CCDC91: variants seen among roughly 807,000 people sequenced by gnomAD.
CCDC91 encodes the protein coiled-coil domain-containing protein 91.
In CCDC91, 48 loss-of-function variants were observed where a neutral mutation model predicts 63.2. The ratio of observed to expected loss-of-function variants is 0.76; its 90% CI spans 0.60 to 0.97. The LOEUF is 0.97. CCDC91 is among the 50% of genes least tolerant of loss of function. The pLI, the probability that CCDC91 is intolerant of heterozygous loss-of-function variation, is 0.00. For synonymous variants in CCDC91, 167 were observed against 165.8 expected (o/e 1.01, Z -0.06); for missense variants, 500 against 494.6 (o/e 1.01, Z -0.10).
At chr12:28,462,900 T>G (rs1218782419) in intron 11 of CCDC91, among the ~76,000 whole-genome samples, 4 of 152,092 alleles carry the variant, frequency 2.6e-5, no homozygotes, top group Non-Finnish European at 5.9e-5. Context: ...CTCCTAGAGA[T>G]GATGATACTT....
At chr12:28,376,967 G>A (rs1944987138) in intron 7 of CCDC91, among the ~76,000 whole-genome samples, 1 of 151,498 alleles carries the variant, frequency 6.6e-6, no homozygotes, top group Admixed American at 6.6e-5. Context: ...AGTTCAACAT[G>A]TTGTTTTTAT....
rs560610456 is a variant in CCDC91, at chr12:28,380,761, A to T, written c.655-10543A>T. On this transcript the variant is annotated intron_variant, in intron 7 of 12. Coordinates refer to ENST00000536442, the MANE Select transcript of CCDC91 (RefSeq NM_018318.5). ...AAGGGCATATTTCTTTAACAATATCAATCAATATAATGTCAATTATTTAGT... is the reference window on the plus strand; with the variant it reads ...AAGGGCATATTTCTTTAACAATATCTATCAATATAATGTCAATTATTTAGT... 6.6e-5 allele frequency among the ~76,000 whole-genome samples: 10 copies of T among 152,248 alleles called. No individual in the cohort carries two copies. The South Asian group carries it at 1.5e-3, about 22-fold the overall frequency.
intron 3 of CCDC91, chr12:28,302,708 T>C: frequency 1.2e-6 from 1 of 863,924 alleles, no homozygotes; most frequent in Non-Finnish European, 1.4e-6. Context: ...TTTTGATGTA[T>C]TATTAACTGA....
intron 3 of CCDC91, among the ~76,000 whole-genome samples, chr12:28,297,671 A>G (rs564963479): frequency 6.6e-6 from 1 of 151,922 alleles, no homozygotes; most frequent in South Asian, 2.1e-4. Flanking sequence ...GTTTTTGTGG[A>G]AGTAGGTGTT....
At chr12:28,532,058 C>A (rs1350827475) in intron 12 of CCDC91, among the ~76,000 whole-genome samples, 1 of 152,152 alleles carries the variant, frequency 6.6e-6, no homozygotes, top group East Asian at 1.9e-4. Context: ...AGAGTGGGAC[C>A]AAGTCATGCA....
At position 28,320,346 on chromosome 12, in the gene CCDC91, G is replaced by A. The variant is rs1205389229; in HGVS notation, c.576+12597G>A. On this transcript the variant is annotated intron_variant, in intron 6 of 12. Coordinates refer to ENST00000536442, the MANE Select transcript of CCDC91 (RefSeq NM_018318.5). Reference sequence around the variant, plus strand: ...GAGTGCACACAGACTTTTTTTTGTAGTCAATACATGTTTTCGACAAGTGCT... The same window carrying A: ...GAGTGCACACAGACTTTTTTTTGTAATCAATACATGTTTTCGACAAGTGCT... Among the ~76,000 whole-genome samples the A allele has an allele frequency of 7.3e-5, 11 of 151,668 alleles. No individual in the cohort carries two copies. The East Asian group carries it at 1.9e-3, about 27-fold the overall frequency.
At chr12:28,248,460 C>A (rs1388320192) in intron 1 of CCDC91, among the ~76,000 whole-genome samples, 1 of 152,016 alleles carries the variant, frequency 6.6e-6, no homozygotes, top group Non-Finnish European at 1.5e-5. Context: ...TAGGTTGGAG[C>A]CCTTTGGAGC....
chr12:28,531,539 T>G (rs1260803635), intron 12 of CCDC91, among the ~76,000 whole-genome samples: 2 of 152,136 alleles, frequency 1.3e-5, no homozygotes, highest in Admixed American at 1.3e-4. Flanking sequence ...AATGTAAAAT[T>G]TAAAGAGTAC....
intron 3 of CCDC91, among the ~76,000 whole-genome samples, chr12:28,279,023 A>C (rs1366863405): frequency 1.3e-5 from 2 of 152,046 alleles, no homozygotes; most frequent in Non-Finnish European, 2.9e-5. Context: ...TATACTATTA[A>C]AGATTAAATG....
intron 12 of CCDC91, among the ~76,000 whole-genome samples, chr12:28,546,155 C>T (rs79577104): frequency 1.3e-4 from 20 of 152,174 alleles, no homozygotes; most frequent in Non-Finnish European, 2.5e-4. Flanking sequence ...CAACTATCCT[C>T]AGTTCAGTTT....
At position 28,307,116 on chromosome 12, in the gene CCDC91, A is replaced by T. The variant is rs547882389; in HGVS notation, c.471+171A>T. Reference sequence around the variant, plus strand: ...TAGAAAAGCCTTTGATAAGAAATATATTTTACATATGTACTTTTAAAGATA... The same window carrying T: ...TAGAAAAGCCTTTGATAAGAAATATTTTTTACATATGTACTTTTAAAGATA... On this transcript the variant is annotated intron_variant, in intron 5 of 12. Transcript: ENST00000536442. Among the ~76,000 whole-genome samples the T allele has an allele frequency of 2.6e-5, 4 of 152,078 alleles. No homozygotes were observed. In the South Asian group the frequency reaches 8.3e-4, roughly 31 times the overall value.
chr12:28,318,625 C>A lies in CCDC91; in HGVS notation c.576+10876C>A, dbSNP rs868262478. Among the ~76,000 whole-genome samples, 37 of 151,902 alleles carry A rather than the reference C, an allele frequency of 2.4e-4. 1 individual carries two copies. The highest frequency in any genetic ancestry group is 8.7e-4 in the African/African-American group (36 of 41,474). On this transcript the variant is annotated intron_variant, in intron 6 of 12. Coordinates refer to ENST00000536442, the MANE Select transcript of CCDC91 (RefSeq NM_018318.5). ...CTGACATTTTAGTCTCAAAAAATGCCAAGAATTGGAGGCAGTTATGAGAAT... is the reference window on the plus strand; with the variant it reads ...CTGACATTTTAGTCTCAAAAAATGCAAAGAATTGGAGGCAGTTATGAGAAT...
intron 8 of CCDC91, among the ~76,000 whole-genome samples, chr12:28,401,107 C>A (rs1217827656): frequency 6.6e-6 from 1 of 152,120 alleles, no homozygotes; most frequent in African/African-American, 2.4e-5. Flanking sequence ...ACAGCAGTAC[C>A]CACTCTCTGT....
chr12:28,277,950 A>G (rs1948354697), intron 3 of CCDC91, among the ~76,000 whole-genome samples: 1 of 151,970 alleles, frequency 6.6e-6, no homozygotes, highest in South Asian at 2.1e-4. Flanking sequence ...ACTGAAAATT[A>G]CTTTGTACCT....
chr12:28,501,014 A>C (rs1256574779), intron 12 of CCDC91, among the ~76,000 whole-genome samples: 1 of 151,732 alleles, frequency 6.6e-6, no homozygotes, highest in Non-Finnish European at 1.5e-5. Context: ...TAGTCATTCA[A>C]GAGTTACCAC....
At chr12:28,385,626 G>A (rs1257740) in intron 7 of CCDC91, among the ~76,000 whole-genome samples, 137,209 of 152,204 alleles carry the variant, frequency 0.9, 63,418 homozygotes, top group East Asian at 1. Context: ...GTTGCTTACA[G>A]TTAGCTATGT....
intron 7 of CCDC91, among the ~76,000 whole-genome samples, chr12:28,384,653 G>A (rs1190101044): frequency 6.6e-6 from 1 of 152,076 alleles, no homozygotes; most frequent in East Asian, 1.9e-4. Flanking sequence ...CTTAGTCCAC[G>A]AAAAGAGAAA....
At chr12:28,541,059 A>G (rs1285072425) in intron 12 of CCDC91, among the ~76,000 whole-genome samples, 3 of 152,138 alleles carry the variant, frequency 2.0e-5, no homozygotes, top group Non-Finnish European at 4.4e-5. Flanking sequence ...CTCCTGTAAC[A>G]GTGCCCAGTT....
chr12:28,215,639 T>C (rs1943514356), intron 1 of CCDC91, among the ~76,000 whole-genome samples: 1 of 152,070 alleles, frequency 6.6e-6, no homozygotes, highest in Non-Finnish European at 1.5e-5. Context: ...AATGACTAAA[T>C]ACTATGTAAA....
Sources: allele counts gnomAD v4.1 joint callset (sites outside exome capture counted in the v4.1 genomes callset), GRCh38; gene constraint gnomAD v4.1.1; transcripts MANE v1.5; gene names NCBI Gene and HGNC (gene_info 2026-07-23, HGNC 2026-07-21).